Variants in CYP7B1 observed in about 807,000 individuals in gnomAD.
The protein encoded by CYP7B1 is cytochrome P450 7B1.
In CYP7B1, 29 loss-of-function variants were observed where a neutral mutation model predicts 42.7. That is an observed-to-expected ratio of 0.68 (90% CI 0.51 to 0.93). CYP7B1 has a LOEUF of 0.93. CYP7B1 is among the 40% of genes least tolerant of loss of function. CYP7B1 has a pLI of 0.00. For missense variants in CYP7B1, 655 were observed against 600.5 expected (o/e 1.09, Z -0.95); for synonymous variants, 235 against 218.2 (o/e 1.08, Z -0.68).
chr8:64,787,451 A>T (rs2129709848), intron 1 of CYP7B1, among the ~76,000 whole-genome samples: 1 of 152,338 alleles, frequency 6.6e-6, no homozygotes, highest in Admixed American at 6.5e-5. Flanking sequence ...AGTTCCCAAC[A>T]AGTTCCTCAT....
intron 1 of CYP7B1, among the ~76,000 whole-genome samples, chr8:64,764,394 G>A (rs191230949): frequency 4.6e-5 from 7 of 152,196 alleles, no homozygotes; most frequent in Admixed American, 2.6e-4. Context: ...GAGGCACAGA[G>A]AGAGAAAGAA....
At chr8:64,627,872 T>C (rs1158904417) in intron 1 of CYP7B1, among the ~76,000 whole-genome samples, 1 of 152,228 alleles carries the variant, frequency 6.6e-6, no homozygotes, top group East Asian at 1.9e-4. Flanking sequence ...TTCATCAGTA[T>C]ATTTGTAAAA....
chr8:64,714,168 T>C (rs964105582), intron 1 of CYP7B1, among the ~76,000 whole-genome samples: 1 of 152,210 alleles, frequency 6.6e-6, no homozygotes, highest in Non-Finnish European at 1.5e-5. Context: ...CTCTGTACCT[T>C]CTGTGCAATG....
intron 1 of CYP7B1, among the ~76,000 whole-genome samples, chr8:64,650,858 A>G (rs941463727): frequency 3.3e-5 from 5 of 152,166 alleles, no homozygotes; most frequent in Non-Finnish European, 5.9e-5. Context: ...CTTTCATCCC[A>G]GCAAATACAC....
intron 1 of CYP7B1, among the ~76,000 whole-genome samples, chr8:64,702,205 TA>T (rs150817268): frequency 0.021 from 3,147 of 152,068 alleles, 52 homozygotes; most frequent in Non-Finnish European, 0.031. Context: ...AGCATGAAAA[TA>T]ACCTCTGCAC....
chr8:64,601,317 C>T (rs536492701), intron 5 of CYP7B1, among the ~76,000 whole-genome samples: 1 of 152,296 alleles, frequency 6.6e-6, no homozygotes, highest in Admixed American at 6.5e-5. Context: ...TGTTATTTCA[C>T]CATTGTTTCT....
chr8:64,767,945 C>G (rs1013932911), intron 1 of CYP7B1, among the ~76,000 whole-genome samples: 1 of 152,172 alleles, frequency 6.6e-6, no homozygotes, highest in East Asian at 1.9e-4. Flanking sequence ...ACAACCCCTA[C>G]TACGCCCCAG....
rs570649392 is a variant in CYP7B1 at position 64,785,078 on chromosome 8, T to C, written c.122+13388A>G. 3.4e-3 allele frequency among the ~76,000 whole-genome samples: 511 copies of C among 152,264 alleles called. 1 individual carries two copies. Among genetic ancestry groups the C allele is most frequent in the Non-Finnish European group, 4.8e-3 (324 of 68,006 alleles). ...TTAACAGAAACCTAACCAAAGAAGA[T>C]ATATAAATGGCAAATAAGCATATGA... On this transcript the variant is annotated intron_variant, in intron 1 of 5. Coordinates refer to ENST00000310193, the MANE Select transcript of CYP7B1 (RefSeq NM_004820.5).
At chr8:64,734,992 C>A (rs1479311765) in intron 1 of CYP7B1, among the ~76,000 whole-genome samples, 1 of 152,078 alleles carries the variant, frequency 6.6e-6, no homozygotes, top group Non-Finnish European at 1.5e-5. Flanking sequence ...GGATTGGTCA[C>A]TCCTATGAGA....
intron 1 of CYP7B1, among the ~76,000 whole-genome samples, chr8:64,655,279 A>G (rs1044753219): frequency 2.0e-5 from 3 of 152,212 alleles, no homozygotes; most frequent in Non-Finnish European, 4.4e-5. Context: ...CACCTCTGAC[A>G]AAGGTCTAAT....
At chr8:64,625,154 T>C (rs1468204077) in intron 1 of CYP7B1, among the ~76,000 whole-genome samples, 1 of 151,900 alleles carries the variant, frequency 6.6e-6, no homozygotes, top group Admixed American at 6.6e-5. Context: ...TTTGTATTTT[T>C]AGTAGAGAGG....
chr8:64,619,371 C>G (rs964113140), intron 2 of CYP7B1, among the ~76,000 whole-genome samples: 3 of 152,084 alleles, frequency 2.0e-5, no homozygotes, highest in Admixed American at 6.6e-5. Flanking sequence ...TTACAAAGAT[C>G]ACAAGGTAAA....
chr8:64,750,902 C>G (rs138347519), intron 1 of CYP7B1, among the ~76,000 whole-genome samples: 21 of 152,280 alleles, frequency 1.4e-4, no homozygotes, highest in African/African-American at 5.1e-4. Flanking sequence ...ATCACTGATG[C>G]TACCTGTCCC....
At chr8:64,712,922 G>A (rs13259909) in intron 1 of CYP7B1, among the ~76,000 whole-genome samples, 2 of 151,960 alleles carry the variant, frequency 1.3e-5, no homozygotes, top group African/African-American at 2.4e-5. Context: ...GTAAGATGTC[G>A]ACAGATGCTA....
intron 1 of CYP7B1, among the ~76,000 whole-genome samples, chr8:64,684,601 T>G (rs1806591772): frequency 6.6e-6 from 1 of 152,212 alleles, no homozygotes. Context: ...ACAATCAGCA[T>G]TTCAACATTT....
chr8:64,684,450 G>C (rs1396732176), intron 1 of CYP7B1, among the ~76,000 whole-genome samples: 1 of 152,166 alleles, frequency 6.6e-6, no homozygotes. Context: ...AGAATGCCTA[G>C]TATATGATAA....
chr8:64,685,973 G>A (rs1388266556), intron 1 of CYP7B1, among the ~76,000 whole-genome samples: 2 of 34,770 alleles, frequency 5.8e-5, no homozygotes, highest in East Asian at 5.9e-4. Context: ...GGAGGTGAGG[G>A]GCGCCTCTGC....
chr8:64,665,475 C>T (rs923986518), intron 1 of CYP7B1, among the ~76,000 whole-genome samples: 8 of 148,232 alleles, frequency 5.4e-5, no homozygotes, highest in Admixed American at 6.8e-5. Flanking sequence ...ATAAACTAGG[C>T]AAACTAAGTT....
chr8:64,662,020 C>T (rs772480464), intron 1 of CYP7B1, among the ~76,000 whole-genome samples: 3 of 151,992 alleles, frequency 2.0e-5, no homozygotes, highest in African/African-American at 7.2e-5. Flanking sequence ...CAAGGCATGG[C>T]CCTAGCTTCC....
Sources: allele counts gnomAD v4.1 joint callset (sites outside exome capture counted in the v4.1 genomes callset), GRCh38; gene constraint gnomAD v4.1.1; transcripts MANE v1.5; gene names NCBI Gene and HGNC (gene_info 2026-07-23, HGNC 2026-07-21).